KAZN: variants seen among roughly 807,000 people sequenced by gnomAD.
KAZN encodes the protein kazrin, periplakin interacting protein, also known as kazrin.
In KAZN, 40 loss-of-function variants were observed where a neutral mutation model predicts 87.4. The observed-to-expected ratio is 0.46, with a 90% confidence interval of 0.36 to 0.60. KAZN has a LOEUF of 0.60. Ranked by LOEUF, KAZN falls within the 20% of genes least tolerant of loss-of-function variation. KAZN has a pLI of 0.00. For missense variants in KAZN, 898 were observed against 1,073.9 expected (o/e 0.84, Z 2.29); for synonymous variants, 466 against 458.3 (o/e 1.02, Z -0.22).
At chr1:14,407,552 T>C (rs1198795324) in intron 2 of KAZN, among the ~76,000 whole-genome samples, 1 of 152,160 alleles carries the variant, frequency 6.6e-6, no homozygotes, top group Non-Finnish European at 1.5e-5. Flanking sequence ...GAACAGGGTA[T>C]AAAATCAGAC....
intron 1 of KAZN, among the ~76,000 whole-genome samples, chr1:14,875,772 A>G (rs1652701698): frequency 6.6e-6 from 1 of 152,190 alleles, no homozygotes; most frequent in Admixed American, 6.5e-5. Context: ...TCCACAGTTG[A>G]TTGTTAAACA....
intron 8 of KAZN, 89 bp downstream of exon 8, chr1:15,065,842 G>C: frequency 6.4e-7 from 1 of 1,573,824 alleles, no homozygotes; most frequent in Non-Finnish European, 8.6e-7. Context: ...GTCTGTGCGT[G>C]TGGGCGTGTG....
chr1:14,098,896 C>T (rs982676894), intron 1 of KAZN, among the ~76,000 whole-genome samples: 1 of 152,184 alleles, frequency 6.6e-6, no homozygotes, highest in Non-Finnish European at 1.5e-5. Context: ...TGTTGGCACC[C>T]ACACACATGG....
At chr1:14,924,723 G>T (rs903696710) in intron 1 of KAZN, 45 of 308,590 alleles carry the variant, frequency 1.5e-4, no homozygotes, top group African/African-American at 9.9e-4. Flanking sequence ...CCCCGGGCGG[G>T]TGCAGCGGGA....
At chr1:14,313,474 C>T (rs1388650575) in intron 2 of KAZN, among the ~76,000 whole-genome samples, 1 of 152,132 alleles carries the variant, frequency 6.6e-6, no homozygotes, top group Non-Finnish European at 1.5e-5. Context: ...TTAACTTTTC[C>T]TTTCTATGAA....
intron 1 of KAZN, among the ~76,000 whole-genome samples, chr1:14,051,501 G>A (rs1392036141): frequency 2.6e-5 from 4 of 152,214 alleles, no homozygotes; most frequent in Non-Finnish European, 5.9e-5. Flanking sequence ...ATCATGCACT[G>A]CAAGGTATTG....
chr1:14,828,570 T>C (rs867433849), intron 1 of KAZN, among the ~76,000 whole-genome samples: 38 of 152,276 alleles, frequency 2.5e-4, no homozygotes, highest in Admixed American at 9.2e-4. Context: ...GGCAGCCACG[T>C]TGGCAATTTT....
At chr1:14,180,156 G>A (rs1254677614) in intron 1 of KAZN, among the ~76,000 whole-genome samples, 1 of 151,702 alleles carries the variant, frequency 6.6e-6, no homozygotes, top group South Asian at 2.1e-4. Flanking sequence ...TCTGCAACAG[G>A]ACTAGATACT....
chr1:14,370,313 G>A (rs538658718), intron 2 of KAZN, among the ~76,000 whole-genome samples: 2 of 152,306 alleles, frequency 1.3e-5, no homozygotes, highest in South Asian at 4.1e-4. Flanking sequence ...AGGAGGCCCA[G>A]GCACTGCACA....
At chr1:14,385,771 G>GA (rs748692749) in intron 2 of KAZN, among the ~76,000 whole-genome samples, 128 of 150,152 alleles carry the variant, frequency 8.5e-4, no homozygotes, top group Non-Finnish European at 1.1e-3. Context: ...GTGTGGTGCT[G>GA]AAAAAAATGT....
intron 1 of KAZN, among the ~76,000 whole-genome samples, chr1:14,728,863 G>A (rs958864090): frequency 1.3e-5 from 2 of 152,172 alleles, no homozygotes. Context: ...TAAAGTTCTT[G>A]GCAAGGATTA....
intron 1 of KAZN, among the ~76,000 whole-genome samples, chr1:14,048,687 G>A (rs889420990): frequency 5.9e-5 from 9 of 152,192 alleles, no homozygotes; most frequent in South Asian, 4.1e-4. Flanking sequence ...TTACAGGCAT[G>A]AGCCACTGCG....
At chr1:14,267,234 A>C (rs1651552932) in intron 2 of KAZN, among the ~76,000 whole-genome samples, 3 of 152,068 alleles carry the variant, frequency 2.0e-5, no homozygotes, top group Admixed American at 2.0e-4. Context: ...ACATTGTATT[A>C]GGTATTGTAA....
At chr1:15,012,424 G>C (rs1669665309) in intron 2 of KAZN, among the ~76,000 whole-genome samples, 1 of 152,148 alleles carries the variant, frequency 6.6e-6, no homozygotes, top group South Asian at 2.1e-4. Context: ...AAGGATGGGG[G>C]GTTGGAGAAC....
intron 1 of KAZN, among the ~76,000 whole-genome samples, chr1:14,895,893 G>A (rs559945139): frequency 6.6e-6 from 1 of 152,288 alleles, no homozygotes; most frequent in Admixed American, 6.5e-5. Context: ...AAGAGGGGAG[G>A]CTGCTTTCAT....
chr1:14,367,701 A>G (rs1360134975), intron 2 of KAZN, among the ~76,000 whole-genome samples: 1 of 152,038 alleles, frequency 6.6e-6, no homozygotes, highest in African/African-American at 2.4e-5. Flanking sequence ...CTACCAATCA[A>G]AAGCTGAGCC....
At chr1:14,469,789 C>A (rs1017558325) in intron 2 of KAZN, among the ~76,000 whole-genome samples, 1 of 152,214 alleles carries the variant, frequency 6.6e-6, no homozygotes. Flanking sequence ...TCAACAAAAT[C>A]TCTGCACCTT....
intron 1 of KAZN, among the ~76,000 whole-genome samples, chr1:14,673,816 G>T (rs184898943): frequency 1.2e-3 from 187 of 152,296 alleles, no homozygotes; most frequent in African/African-American, 3.8e-3. Context: ...AGGCTAAGGA[G>T]TCTTAACACC....
chr1:14,924,392 G>T, intron 1 of KAZN: 2 of 989,292 alleles, frequency 2.0e-6, no homozygotes, highest in South Asian at 4.5e-5. Flanking sequence ...GGGCTCGTGG[G>T]AGCGCGTCCG....
Sources: allele counts gnomAD v4.1 joint callset (sites outside exome capture counted in the v4.1 genomes callset), GRCh38; gene constraint gnomAD v4.1.1; transcripts MANE v1.5; gene names NCBI Gene and HGNC (gene_info 2026-07-23, HGNC 2026-07-21).